MRPL32: variants seen among roughly 807,000 people sequenced by gnomAD.
MRPL32 encodes mitochondrial ribosomal protein L32.
Under a neutral mutation model 21.7 loss-of-function variants are expected in MRPL32, and 14 were observed. That is an observed-to-expected ratio of 0.64 (90% CI 0.43 to 1.01). The LOEUF (loss-of-function observed/expected upper bound fraction) is 1.01, where lower values mean the gene tolerates loss of function less well. Ranked by LOEUF, MRPL32 falls within the 50% of genes least tolerant of loss-of-function variation. The pLI is 0.00. For missense variants in MRPL32, 211 were observed against 235.9 expected, an observed-to-expected ratio of 0.89 and a Z score of 0.69; for synonymous variants, 83 against 87.7, an observed-to-expected ratio of 0.95 and a Z score of 0.30.
chr7:42,935,474 T>TA (rs1786409215), intron 2 of MRPL32: 1 of 173,854 alleles, frequency 5.8e-6, no homozygotes, highest in East Asian at 1.5e-4. Context: ...ACATCCTAAC[T>TA]ATGGCAGAGC....
chr7:42,935,089 G>C lies in MRPL32; in HGVS notation c.265G>C (p.Val89Leu). ...TCCCAAAAATAGACGCACCATTGAA[G>C]TTAACCGGTGTAGGAGAAGAAATCC... ...AAPKNRRTIEVNRCRRRNPQK... is the reference protein window; with the variant it reads ...AAPKNRRTIELNRCRRRNPQK... The change falls in exon 2 of 3, where the codon GTT becomes CTT. Residue 89 changes from valine to leucine, a missense_variant. By Grantham distance (32) the Val-to-Leu change is conservative. This residue lies in a region of MRPL32 where 130 missense variants were observed against 180.1 expected (regional missense o/e 0.72). Coordinates refer to ENST00000223324, the MANE Select transcript of MRPL32 (RefSeq NM_031903.3). 1 of 1,614,040 alleles carries C rather than the reference G, an allele frequency of 6.2e-7. No homozygotes were observed. Among genetic ancestry groups the C allele is most frequent in the Non-Finnish European group, 8.5e-7 (1 of 1,179,988 alleles).
Position 42,932,489 on chromosome 7 carries a change from C to G in MRPL32, c.103C>G (p.Arg35Gly). The change falls in exon 1 of 3, where the codon CGG (arginine) becomes GGG (glycine). Residue 35 changes from arginine (R) to glycine (G), a missense_variant. Coordinates refer to ENST00000223324, the MANE Select transcript of MRPL32 (RefSeq NM_031903.3). ...ACTGCTACGGAAGCTTCCGCAGAGC[C>G]GGCCGGGCTTTCCCAGTCCTCCGTG... is the stretch of plus-strand genomic sequence containing the variant. ...ERLLRKLPQS[R>G]PGFPSPPWGP... 1 of 1,608,682 alleles carries G rather than the reference C, an allele frequency of 6.2e-7. No individual in the cohort carries two copies. Among genetic ancestry groups the G allele is most frequent in the Non-Finnish European group, 8.5e-7 (1 of 1,176,038 alleles).
At chr7:42,937,237 A>G in intron 2 of MRPL32, 85 bp from the exon 3 acceptor site, 1 of 1,610,106 alleles carries the variant, frequency 6.2e-7, no homozygotes, top group Admixed American at 1.7e-5. Flanking sequence ...TAAGAAAGTT[A>G]AAATGTAAGC....
chr7:42,932,995 G>T (rs1321859681), intron 1 of MRPL32, among the ~76,000 whole-genome samples: 4 of 152,198 alleles, frequency 2.6e-5, no homozygotes, highest in Non-Finnish European at 5.9e-5. Flanking sequence ...CTGCTAGCTC[G>T]CAGTTGTCTT....
chr7:42,932,439 G>T lies in MRPL32; in HGVS notation c.53G>T (p.Gly18Val). 1.2e-6 allele frequency: 2 copies of T among 1,612,938 alleles called. No individual in the cohort carries two copies. Among genetic ancestry groups the T allele is most frequent in the Non-Finnish European group, 1.7e-6 (2 of 1,179,210 alleles). Residue 18 changes from glycine (G) to valine (V), a missense_variant, in exon 1 of 3, where the codon GGA becomes GTA. This residue lies in a region of MRPL32 where 81 missense variants were observed against 55.8 expected (regional missense o/e 1.45). Transcript: ENST00000223324. ...LVVSPWSAAR[G>V]VLRNYWERLL... Reference sequence around the variant, plus strand: ...GTTTCGCCGTGGTCTGCGGCCCGGGGAGTGCTTCGAAACTACTGGGAGCGA... The same window carrying T: ...GTTTCGCCGTGGTCTGCGGCCCGGGTAGTGCTTCGAAACTACTGGGAGCGA...
Position 42,937,446 on chromosome 7 carries a change from G to C in MRPL32, c.437G>C (p.Gly146Ala). 1 of 1,614,070 alleles carries C rather than the reference G, an allele frequency of 6.2e-7. No individual in the cohort carries two copies. Among genetic ancestry groups the C allele is most frequent in the Non-Finnish European group, 8.5e-7 (1 of 1,180,016 alleles). ...AGACGACAGATAGGGAAGCAAGAAG[G>C]GGGCCCTTTTAAGGCTCCCACCATA... ...EIRRQIGKQEGGPFKAPTIET... is the reference protein window; with the variant it reads ...EIRRQIGKQEAGPFKAPTIET... The change falls in exon 3 of 3, where the codon GGG (glycine) becomes GCG (alanine). Residue 146 changes from glycine to alanine, a missense_variant. Physicochemically the swap from Gly to Ala is moderately conservative, Grantham distance 60. This residue lies in a region of MRPL32 where 130 missense variants were observed against 180.1 expected (regional missense o/e 0.72). Coordinates refer to ENST00000223324, the MANE Select transcript of MRPL32 (RefSeq NM_031903.3).
At position 42,937,524 on chromosome 7, in the gene MRPL32, A is replaced by G. The variant is rs766376746; in HGVS notation, c.515A>G (p.Lys172Arg). ...GETPSEQDQG[K>R]RIIERDRKRP... Reference sequence around the variant, plus strand: ...ACACCGTCTGAACAAGATCAGGGCAAGAGGATCATTGAACGAGACAGAAAG... The same window carrying G: ...ACACCGTCTGAACAAGATCAGGGCAGGAGGATCATTGAACGAGACAGAAAG... Residue 172 changes from lysine to arginine, a missense_variant, in exon 3 of 3, where the codon AAG (lysine) becomes AGG (arginine). Transcript: ENST00000223324. The G allele has an allele frequency of 6.2e-7, 1 of 1,613,922 alleles. No homozygotes were observed. Among genetic ancestry groups the G allele is most frequent in the Non-Finnish European group, 8.5e-7 (1 of 1,179,902 alleles).
rs1786404733 is a variant in MRPL32, at chr7:42,935,113, C to T, written c.289C>T (p.Pro97Ser). Residue 97 changes from proline to serine, a missense_variant, in exon 2 of 3, where the codon CCG (proline) becomes TCG (serine). Transcript: ENST00000223324. The stretch of plus-strand genomic sequence containing the variant: ...AGTTAACCGGTGTAGGAGAAGAAAT[C>T]CGCAGAAGCTTATTAAAGTTAAGGT... ...IEVNRCRRRN[P>S]QKLIKVKNNI... 1 of 1,610,466 alleles carries T rather than the reference C, an allele frequency of 6.2e-7. No individual in the cohort carries two copies. Among genetic ancestry groups the T allele is most frequent in the Non-Finnish European group, 8.5e-7 (1 of 1,179,154 alleles).
At chr7:42,932,616 A>T in intron 1 of MRPL32, 100 bp downstream of exon 1, 2 of 1,318,426 alleles carry the variant, frequency 1.5e-6, no homozygotes, top group South Asian at 1.7e-5. Flanking sequence ...CCCGGTTCTG[A>T]TCCGCGGCCT....
chr7:42,932,395 G>T lies in MRPL32; in HGVS notation c.9G>T (p.Leu3=). 6.2e-7 allele frequency: 1 copy of T among 1,609,396 alleles called. No individual in the cohort carries two copies. Residue 3 remains leucine (L), a synonymous_variant, in exon 1 of 3, where the codon CTG becomes CTT. Coordinates refer to ENST00000223324, the MANE Select transcript of MRPL32 (RefSeq NM_031903.3). Reference sequence around the variant, plus strand: ...GTCTTCCAGCAGGGAAAATGGCGCTGGCCATGCTGGTCTTGGTGGTTTCGC... The same window carrying T: ...GTCTTCCAGCAGGGAAAATGGCGCTTGCCATGCTGGTCTTGGTGGTTTCGC... MA[L]AMLVLVVSPW... is the part of the protein sequence containing the mutation.
At chr7:42,936,042 C>CTTAT (rs1420689729) in intron 2 of MRPL32, 5 of 152,220 alleles carry the variant, frequency 3.3e-5, no homozygotes, top group African/African-American at 1.2e-4. Flanking sequence ...AGCTGACTTT[C>CTTAT]ATAAGCATCC....
At chr7:42,934,774 A>G (rs898532657) in intron 1 of MRPL32, among the ~76,000 whole-genome samples, 181 bp from the exon 2 acceptor site, 4 of 152,222 alleles carry the variant, frequency 2.6e-5, no homozygotes, top group African/African-American at 9.7e-5. Flanking sequence ...TTAAAATTGT[A>G]TAAGCTTTAG....
chr7:42,937,470 T>C lies in MRPL32; in HGVS notation c.461T>C (p.Ile154Thr), dbSNP rs373801051. The C allele has an allele frequency of 6.8e-6, 11 of 1,613,820 alleles. No homozygotes were observed. Among genetic ancestry groups the C allele is most frequent in the African/African-American group, 1.3e-5 (1 of 74,874 alleles). Residue 154 changes from isoleucine (I) to threonine (T), a missense_variant, in exon 3 of 3, where the codon ATA (isoleucine) becomes ACA (threonine). This residue lies in a region of MRPL32 where 130 missense variants were observed against 180.1 expected (regional missense o/e 0.72). Coordinates refer to ENST00000223324, the MANE Select transcript of MRPL32 (RefSeq NM_031903.3). ...GGGGGCCCTTTTAAGGCTCCCACCA[T>C]AGAGACTGTGGTGCTGTACACGGGA... ...QEGGPFKAPTIETVVLYTGET... is the reference protein window; with the variant it reads ...QEGGPFKAPTTETVVLYTGET...
intron 2 of MRPL32, chr7:42,936,352 G>A (rs990590963): frequency 2.6e-5 from 4 of 152,132 alleles, no homozygotes; most frequent in African/African-American, 7.2e-5. Context: ...CTTTGATCAC[G>A]AAAGGAAGAC....
rs1230270906 is a variant in MRPL32 at position 42,935,048 on chromosome 7, T to C, written c.224T>C (p.Ile75Thr). The C allele has an allele frequency of 3.1e-6, 5 of 1,614,112 alleles. No homozygotes were observed. The highest frequency in any genetic ancestry group is 4.2e-6 in the Non-Finnish European group (5 of 1,180,018). ...SKENSSLLDS[I>T]FWMAAPKNRR... ...GAGAATTCCAGCCTTTTGGACAGTA[T>C]CTTTTGGATGGCAGCTCCCAAAAAT... The change falls in exon 2 of 3, where the codon ATC (isoleucine) becomes ACC (threonine). Residue 75 changes from isoleucine to threonine, a missense_variant. This residue lies in a region of MRPL32 where 130 missense variants were observed against 180.1 expected (regional missense o/e 0.72). Coordinates refer to ENST00000223324, the MANE Select transcript of MRPL32 (RefSeq NM_031903.3).
intron 2 of MRPL32, 104 bp downstream of exon 2, chr7:42,935,240 G>A: frequency 1.1e-6 from 1 of 949,688 alleles, no homozygotes; most frequent in Non-Finnish European, 1.6e-6. Context: ...CAGATTATAT[G>A]TGTCTACTTT....
In MRPL32 at chr7:42,937,353, A is replaced by T; in HGVS notation, c.344A>T (p.His115Leu). 6.2e-7 allele frequency: 1 copy of T among 1,614,234 alleles called. No individual in the cohort carries two copies. Among genetic ancestry groups the T allele is most frequent in the Admixed American group, 1.7e-5 (1 of 60,030 alleles). ...NNIDVCPECG[H>L]LKQKHVLCAY... is the part of the protein sequence containing the mutation. ...ATAGACGTTTGTCCTGAATGTGGTC[A>T]CCTGAAACAGAAACATGTCCTTTGT... Residue 115 changes from histidine to leucine, a missense_variant, in exon 3 of 3, where the codon CAC becomes CTC. Physicochemically the swap from His to Leu is moderately conservative, Grantham distance 99. Coordinates refer to ENST00000223324, the MANE Select transcript of MRPL32 (RefSeq NM_031903.3).
intron 1 of MRPL32, among the ~76,000 whole-genome samples, chr7:42,934,266 T>C (rs1302827605): frequency 3.6e-5 from 1 of 27,604 alleles, no homozygotes; most frequent in Non-Finnish European, 8.2e-5. Flanking sequence ...AGACTCAGTC[T>C]CAAAAAAAAA....
At chr7:42,932,701 CAAAAAA>C (rs148378814) in intron 1 of MRPL32, among the ~76,000 whole-genome samples, 185 bp downstream of exon 1, 1 of 134,626 alleles carries the variant, frequency 7.4e-6, no homozygotes, top group Non-Finnish European at 1.6e-5. Flanking sequence ...CCCTCCACCG[CAAAAAA>C]AAAAAAAAAA....
Sources: allele counts gnomAD v4.1 joint callset (sites outside exome capture counted in the v4.1 genomes callset), GRCh38; gene constraint gnomAD v4.1.1; regional missense constraint gnomAD v4.1.1; transcripts MANE v1.5; gene names NCBI Gene and HGNC (gene_info 2026-07-23, HGNC 2026-07-21).